TNS3: variants seen among roughly 807,000 people sequenced by gnomAD.
The protein encoded by TNS3 is tensin 3, also known as tensin-3.
Under a neutral mutation model 140.9 loss-of-function variants are expected in TNS3, and 45 were observed. The observed-to-expected ratio is 0.32, with a 90% CI of 0.25 to 0.41. TNS3 has a LOEUF of 0.41. Among genes scored for constraint, TNS3 ranks in the 10% least tolerant of loss-of-function variants. The pLI is 1.00. For synonymous variants in TNS3, 815 were observed against 788.4 expected (o/e 1.03, Z -0.56); for missense variants, 1,716 against 1,906.7 (o/e 0.90, Z 1.86).
chr7:47,426,070 C>T (rs950518335), intron 9 of TNS3, among the ~76,000 whole-genome samples: 3 of 151,860 alleles, frequency 2.0e-5, no homozygotes, highest in Non-Finnish European at 4.4e-5. Flanking sequence ...ATCACGAGGT[C>T]AGGAGTTCAA....
At chr7:47,384,433 A>G (rs1469709123) in intron 16 of TNS3, among the ~76,000 whole-genome samples, 1 of 152,014 alleles carries the variant, frequency 6.6e-6, no homozygotes, top group Admixed American at 6.5e-5. Context: ...CATCCCCCAA[A>G]CGTCCATGCC....
At chr7:47,301,920 A>G (rs1786423675) in intron 23 of TNS3, among the ~76,000 whole-genome samples, 1 of 152,234 alleles carries the variant, frequency 6.6e-6, no homozygotes, top group Admixed American at 6.5e-5. Flanking sequence ...AAGCAGCCAG[A>G]AATTACACCC....
Position 47,435,312 on chromosome 7 carries a change from G to A in TNS3, c.294C>T (p.Asn98=), listed in dbSNP as rs981113635. 1.2e-6 allele frequency: 2 copies of A among 1,614,158 alleles called. No homozygotes were observed. Among genetic ancestry groups the A allele is most frequent in the Non-Finnish European group, 1.7e-6 (2 of 1,180,026 alleles). ...AGTGAATGACGACCACATGCTGGAG[G>A]TTGCTGTTCAGCCAGGACTCCTGCG... ...CKAQESWLNS[N]LQHVVVIHCR... Residue 98 remains asparagine, a synonymous_variant, in exon 8 of 31, where the codon AAC becomes AAT. Coordinates refer to ENST00000311160, the MANE Select transcript of TNS3 (RefSeq NM_022748.12).
intron 16 of TNS3, among the ~76,000 whole-genome samples, chr7:47,378,338 T>C (rs1791531215): frequency 6.6e-6 from 1 of 152,120 alleles, no homozygotes; most frequent in Non-Finnish European, 1.5e-5. Flanking sequence ...TCTCGAGAAT[T>C]ACACTGAGGA....
intron 2 of TNS3, among the ~76,000 whole-genome samples, chr7:47,527,131 G>A (rs936599691): frequency 3.3e-5 from 5 of 152,170 alleles, no homozygotes; most frequent in Non-Finnish European, 5.9e-5. Flanking sequence ...CAGCTGCTGG[G>A]GAGGCTGAGG....
chr7:47,353,033 G>A (rs982895704), intron 17 of TNS3, among the ~76,000 whole-genome samples: 2 of 152,156 alleles, frequency 1.3e-5, no homozygotes, highest in Non-Finnish European at 2.9e-5. Flanking sequence ...TTCCTCAGGC[G>A]GTTCATTTGC....
intron 20 of TNS3, among the ~76,000 whole-genome samples, chr7:47,319,521 G>GCCC (rs985235511): frequency 2.0e-5 from 3 of 152,086 alleles, no homozygotes; most frequent in African/African-American, 7.2e-5. Context: ...ACAGCACCAA[G>GCCC]CCCTTCATGA....
intron 17 of TNS3, among the ~76,000 whole-genome samples, chr7:47,366,500 G>C (rs931524742): frequency 5.3e-5 from 8 of 152,224 alleles, no homozygotes; most frequent in Non-Finnish European, 1.0e-4. Flanking sequence ...ATGGAGTGAA[G>C]AGAAATTCAC....
intron 1 of TNS3, among the ~76,000 whole-genome samples, chr7:47,538,889 T>C (rs1240150206): frequency 1.3e-5 from 2 of 152,212 alleles, no homozygotes; most frequent in African/African-American, 2.4e-5. Context: ...ATCCAAACTT[T>C]AGTCTTTTCA....
chr7:47,467,476 C>G (rs529576539), intron 4 of TNS3, among the ~76,000 whole-genome samples: 1 of 152,092 alleles, frequency 6.6e-6, no homozygotes, highest in Non-Finnish European at 1.5e-5. Flanking sequence ...TTTAAAGAAA[C>G]CTGTTATAAA....
chr7:47,283,151 C>T (rs747783173), intron 28 of TNS3, among the ~76,000 whole-genome samples: 2 of 152,236 alleles, frequency 1.3e-5, no homozygotes, highest in Non-Finnish European at 2.9e-5. Context: ...AGGAACAGCC[C>T]TGTGGCTGCT....
At chr7:47,330,106 C>T (rs893994945) in intron 20 of TNS3, among the ~76,000 whole-genome samples, 1 of 152,160 alleles carries the variant, frequency 6.6e-6, no homozygotes, top group Non-Finnish European at 1.5e-5. Context: ...AAAATTCTTC[C>T]CGGACAGTCT....
At chr7:47,457,134 A>C (rs1291280745) in intron 4 of TNS3, among the ~76,000 whole-genome samples, 7 of 9,604 alleles carry the variant, frequency 7.3e-4, no homozygotes, top group African/African-American at 2.5e-3. Context: ...AGGGGAGGGG[A>C]GGAGGGGAGG....
In TNS3 at chr7:47,369,483, G is replaced by A. The variant is rs1415294698; in HGVS notation, c.1163C>T (p.Ser388Phe). The change falls in exon 17 of 31, where the codon TCT becomes TTT. Residue 388 changes from serine (S) to phenylalanine (F), a missense_variant. Ser to Phe is a radical substitution (Grantham distance 155). This residue lies in a region of TNS3 where 1,163 missense variants were observed against 1,182.1 expected (regional missense o/e 0.98). Coordinates refer to ENST00000311160, the MANE Select transcript of TNS3 (RefSeq NM_022748.12). Reference protein sequence around the residue: ...NSPDHSDHTLSVSSDSGHSTA... With the variant: ...NSPDHSDHTLFVSSDSGHSTA... ...AGAGTGGCCGGAGTCACTGCTGACA[G>A]ACAAGGTGTGGTCACTGTGGTCTGG... is the stretch of plus-strand genomic sequence containing the variant. 9 of 1,614,068 alleles carry A rather than the reference G, an allele frequency of 5.6e-6. No individual in the cohort carries two copies. In the African/African-American group the frequency reaches 1.1e-4, roughly 19 times the overall value.
chr7:47,532,072 C>A (rs921399726), intron 1 of TNS3, among the ~76,000 whole-genome samples: 5 of 150,824 alleles, frequency 3.3e-5, no homozygotes, highest in South Asian at 2.1e-4. Flanking sequence ...AGCCCCCCCC[C>A]GCCCACCATC....
intron 16 of TNS3, among the ~76,000 whole-genome samples, chr7:47,382,953 C>T (rs1193301116): frequency 6.6e-6 from 1 of 152,042 alleles, no homozygotes; most frequent in Non-Finnish European, 1.5e-5. Flanking sequence ...AGGAGGTTGG[C>T]AGTATGTTTA....
chr7:47,556,679 G>A (rs371642494), intron 1 of TNS3, among the ~76,000 whole-genome samples: 11 of 152,208 alleles, frequency 7.2e-5, no homozygotes, highest in East Asian at 1.9e-4. Flanking sequence ...GGGCAGGGGC[G>A]AGTGAAGCTT....
At chr7:47,411,884 C>A in intron 12 of TNS3, 82 bp from the exon 13 acceptor site, 1 of 1,284,278 alleles carries the variant, frequency 7.8e-7, no homozygotes, top group South Asian at 1.3e-5. Context: ...AGCAACCCTA[C>A]AACCCAAAAC....
chr7:47,514,557 GCTTTCTCCTTGCTTCTTTTCTC>G (rs1477963937), intron 2 of TNS3, among the ~76,000 whole-genome samples: 3 of 152,006 alleles, frequency 2.0e-5, no homozygotes, highest in Admixed American at 2.0e-4. Flanking sequence ...TCCTTTCTCA[GCTTTCTCCTTGCTTCTTTTCTC>G]CTTTCTCCTT....
Sources: allele counts gnomAD v4.1 joint callset (sites outside exome capture counted in the v4.1 genomes callset), GRCh38; gene constraint gnomAD v4.1.1; regional missense constraint gnomAD v4.1.1; transcripts MANE v1.5; gene names NCBI Gene and HGNC (gene_info 2026-07-23, HGNC 2026-07-21).